The following ENTREP1 variants were observed in gnomAD, a reference collection of about 807,000 sequenced individuals.
ENTREP1 encodes endosomal transmembrane epsin interactor 1, also known as Friedreich ataxia region gene X123.
chr9:69,376,215 T>A, the ENTREP1 span, among the ~76,000 whole-genome samples: 1 of 152,192 alleles, frequency 6.6e-6, no homozygotes, highest in African/African-American at 2.4e-5. Flanking sequence ...CGGTGTAGCT[T>A]TTAGCAAAAC....
the ENTREP1 span, among the ~76,000 whole-genome samples, chr9:69,349,482 C>T: frequency 2.0e-5 from 3 of 152,078 alleles, no homozygotes; most frequent in African/African-American, 7.2e-5. Context: ...TGGGGTGTGA[C>T]GTGGCATCTC....
chr9:69,340,808 T>TGTGTGC, the ENTREP1 span, among the ~76,000 whole-genome samples: 1,850 of 68,138 alleles, frequency 0.027, 40 homozygotes, highest in African/African-American at 0.09. Flanking sequence ...TGCATGTGTG[T>TGTGTGC]GTGTATGTGT....
the ENTREP1 span, chr9:69,391,936 C>T: frequency 1.8e-5 from 16 of 877,798 alleles, no homozygotes; most frequent in East Asian, 2.4e-4. Context: ...TGTTGGCTCC[C>T]GTGTCTGCTG....
At chr9:69,345,304 A>G in the ENTREP1 span, among the ~76,000 whole-genome samples, 2 of 152,224 alleles carry the variant, frequency 1.3e-5, no homozygotes, top group Non-Finnish European at 2.9e-5. Context: ...CTAAATGGAC[A>G]TTATGTGTTA....
chr9:69,338,541 C>G, the ENTREP1 span, among the ~76,000 whole-genome samples: 1 of 152,154 alleles, frequency 6.6e-6, no homozygotes, highest in African/African-American at 2.4e-5. Flanking sequence ...AAAGCTACCT[C>G]ACATATTTAT....
chr9:69,334,375 A>C, the ENTREP1 span, among the ~76,000 whole-genome samples: 1 of 152,340 alleles, frequency 6.6e-6, no homozygotes, highest in Non-Finnish European at 1.5e-5. Flanking sequence ...CCTTGATATA[A>C]GTGGGTAGAC....
the ENTREP1 span, among the ~76,000 whole-genome samples, chr9:69,372,228 C>A: frequency 2.0e-5 from 3 of 152,102 alleles, no homozygotes; most frequent in African/African-American, 7.2e-5. Flanking sequence ...CCATCTTAAC[C>A]ATTTTTAAGT....
the ENTREP1 span, among the ~76,000 whole-genome samples, chr9:69,391,030 T>C: frequency 5.3e-5 from 8 of 151,572 alleles, no homozygotes; most frequent in Non-Finnish European, 1.2e-4. Context: ...GTAATCCTCC[T>C]GACTCAGCCT....
chr9:69,390,344 C>T, the ENTREP1 span, among the ~76,000 whole-genome samples: 3 of 152,102 alleles, frequency 2.0e-5, no homozygotes, highest in Non-Finnish European at 1.5e-5. Context: ...CAAGGTTTTC[C>T]GAAGCTGCTG....
the ENTREP1 span, among the ~76,000 whole-genome samples, chr9:69,331,412 C>T: frequency 6.6e-6 from 1 of 152,136 alleles, no homozygotes; most frequent in East Asian, 1.9e-4. Flanking sequence ...TGACTCTTCC[C>T]TGGGGTATCT....
At chr9:69,365,186 CA>C in the ENTREP1 span, among the ~76,000 whole-genome samples, 1 of 152,156 alleles carries the variant, frequency 6.6e-6, no homozygotes, top group South Asian at 2.1e-4. Context: ...CCACCCAAAA[CA>C]AAAGGTAGAA....
the ENTREP1 span, among the ~76,000 whole-genome samples, chr9:69,384,857 A>G: frequency 6.6e-6 from 1 of 152,150 alleles, no homozygotes; most frequent in Non-Finnish European, 1.5e-5. Context: ...AGAATTAATT[A>G]TGAAGCAGTG....
chr9:69,366,640 A>C, the ENTREP1 span, among the ~76,000 whole-genome samples: 1 of 151,888 alleles, frequency 6.6e-6, no homozygotes, highest in Non-Finnish European at 1.5e-5. Flanking sequence ...TATTTTCTCT[A>C]TGTTTTCTTC....
chr9:69,343,451 T>G, the ENTREP1 span, among the ~76,000 whole-genome samples: 1 of 152,204 alleles, frequency 6.6e-6, no homozygotes, highest in Non-Finnish European at 1.5e-5. Context: ...GATGATTGTT[T>G]TTTTTGAGAC....
the ENTREP1 span, among the ~76,000 whole-genome samples, chr9:69,360,706 A>G: frequency 2.0e-5 from 3 of 152,042 alleles, no homozygotes; most frequent in African/African-American, 7.2e-5. Context: ...GCATGTTACT[A>G]TCATCTTTAT....
At chr9:69,359,400 C>A in the ENTREP1 span, among the ~76,000 whole-genome samples, 1 of 152,162 alleles carries the variant, frequency 6.6e-6, no homozygotes, top group Non-Finnish European at 1.5e-5. Flanking sequence ...ATAATCCCCA[C>A]GTGTCAAGGG....
the ENTREP1 span, among the ~76,000 whole-genome samples, chr9:69,385,300 A>T: frequency 0.44 from 67,153 of 152,046 alleles, 15,376 homozygotes; most frequent in African/African-American, 0.57. Flanking sequence ...AAATTATCCA[A>T]TTCCAGCGGG....
At chr9:69,366,384 G>GTTTT in the ENTREP1 span, among the ~76,000 whole-genome samples, 31,541 of 121,890 alleles carry the variant, frequency 0.26, 4,474 homozygotes, top group African/African-American at 0.35. Flanking sequence ...TTCCAACTGG[G>GTTTT]GTTTTTTTTT....
the ENTREP1 span, among the ~76,000 whole-genome samples, chr9:69,351,768 C>T: frequency 2.0e-5 from 3 of 152,190 alleles, no homozygotes; most frequent in South Asian, 4.1e-4. Flanking sequence ...TGTAGAACAT[C>T]TACAAATCAG....
Sources: gnomAD v4.1 joint callset for allele counts (sites outside exome capture counted in the v4.1 genomes callset) on GRCh38, gnomAD v4.1.1 for gene constraint, MANE v1.5 for transcripts, NCBI Gene and HGNC (gene_info 2026-07-23, HGNC 2026-07-21) for gene names.